ANKRD12: variants seen among roughly 807,000 people sequenced by gnomAD.
The protein encoded by ANKRD12 is ankyrin repeat domain-containing protein 12.
In ANKRD12, 85 loss-of-function variants were observed where a neutral mutation model predicts 183.4. That is an observed-to-expected ratio of 0.46 (90% CI 0.39 to 0.56). ANKRD12 has a LOEUF of 0.56. Ranked by LOEUF, ANKRD12 falls within the 20% of genes least tolerant of loss-of-function variation. The pLI, the probability that ANKRD12 is intolerant of heterozygous loss-of-function variation, is 0.00. For synonymous variants in ANKRD12, 914 were observed against 800.2 expected (o/e 1.14, Z -2.40); for missense variants, 2,405 against 2,357.1 (o/e 1.02, Z -0.42).
chr18:9,236,426 G>T (rs1051474608), intron 8 of ANKRD12, among the ~76,000 whole-genome samples: 2 of 151,946 alleles, frequency 1.3e-5, no homozygotes, highest in Admixed American at 1.3e-4. Flanking sequence ...CAAAAAATGG[G>T]CACTTAAGAA....
rs944029706 is a variant in ANKRD12 at position 9,282,692 on chromosome 18, A to T, written c.*1566A>T. On this transcript the variant is annotated 3_prime_UTR_variant, in exon 13 of 13. Transcript: ENST00000262126. ...TGTTCCGATAGAGAAAAGTGAAGCA[A>T]ATATGTGAGGAATGAAGTGATCTAG... 6.6e-6 allele frequency: 1 copy of T among 152,600 alleles called. No individual in the cohort carries two copies. The highest frequency in any genetic ancestry group is 1.5e-5 in the Non-Finnish European group (1 of 68,000). The allele number at this position is 152,600 out of a possible 1,614,324, so 9.5% of individuals were successfully genotyped here. A position where few individuals can be genotyped will look rare whatever the true frequency, so the allele number is the denominator to read the frequency against.
intron 2 of ANKRD12, among the ~76,000 whole-genome samples, chr18:9,182,801 C>G (rs772095154): frequency 6.6e-6 from 1 of 152,020 alleles, no homozygotes; most frequent in Admixed American, 6.6e-5. Flanking sequence ...TGTCAATGAC[C>G]TGTAATTCTG....
intron 8 of ANKRD12, among the ~76,000 whole-genome samples, chr18:9,246,184 G>A (rs118172988): frequency 1.4e-3 from 214 of 152,144 alleles, no homozygotes; most frequent in Non-Finnish European, 2.3e-3. Context: ...TTATATACTG[G>A]CATCAAATTG....
chr18:9,224,085 C>T (rs943161514), intron 8 of ANKRD12, among the ~76,000 whole-genome samples: 4 of 152,110 alleles, frequency 2.6e-5, no homozygotes, highest in Admixed American at 1.3e-4. Context: ...CCAGGAGTTG[C>T]TTTTCTGACA....
chr18:9,233,166 A>G (rs73394153), intron 8 of ANKRD12, among the ~76,000 whole-genome samples: 2,096 of 151,826 alleles, frequency 0.014, 56 homozygotes, highest in African/African-American at 0.048. Flanking sequence ...CCGATTTTCA[A>G]GTTCTGAGAT....
At chr18:9,149,994 AC>A (rs1169990214) in intron 1 of ANKRD12, among the ~76,000 whole-genome samples, 2 of 151,776 alleles carry the variant, frequency 1.3e-5, no homozygotes, top group Non-Finnish European at 2.9e-5. Context: ...ACGGGGTTTC[AC>A]CATGTTGGCC....
intron 8 of ANKRD12, among the ~76,000 whole-genome samples, chr18:9,240,444 A>G (rs1475285273): frequency 6.6e-6 from 1 of 152,186 alleles, no homozygotes; most frequent in Non-Finnish European, 1.5e-5. Context: ...AGAAAACCAG[A>G]TCTTGCTCAT....
At chr18:9,261,621 A>G (rs972907801) in intron 9 of ANKRD12, among the ~76,000 whole-genome samples, 26 of 152,344 alleles carry the variant, frequency 1.7e-4, no homozygotes, top group Admixed American at 3.3e-4. Flanking sequence ...CAAATTTGAC[A>G]AAATGGTGTG....
intron 10 of ANKRD12, among the ~76,000 whole-genome samples, chr18:9,269,273 A>C (rs982592312): frequency 1.2e-4 from 18 of 152,230 alleles, no homozygotes; most frequent in African/African-American, 3.9e-4. Flanking sequence ...AAACTACTTT[A>C]AAGTTCATAT....
At chr18:9,222,166 G>T (rs926379487) in intron 8 of ANKRD12, among the ~76,000 whole-genome samples, 167 bp downstream of exon 8, 5 of 152,100 alleles carry the variant, frequency 3.3e-5, no homozygotes, top group South Asian at 4.1e-4. Context: ...AGTAACCTAG[G>T]TGTTTGCTAC....
At chr18:9,143,125 A>G (rs1021312288) in intron 1 of ANKRD12, among the ~76,000 whole-genome samples, 1 of 152,190 alleles carries the variant, frequency 6.6e-6, no homozygotes, top group East Asian at 1.9e-4. Flanking sequence ...AAGAACTTCT[A>G]TTGAGCTTCT....
chr18:9,211,857 C>A, intron 6 of ANKRD12, 73 bp downstream of exon 6: 1 of 1,270,102 alleles, frequency 7.9e-7, no homozygotes, highest in Non-Finnish European at 1.1e-6. Flanking sequence ...ATTTAATCTA[C>A]ATTCTTTTAT....
rs530374967 is a variant in ANKRD12 at position 9,275,795 on chromosome 18, T to G, written c.5907+128T>G. On this transcript the variant is annotated intron_variant, in intron 11 of 12. Coordinates refer to ENST00000262126, the MANE Select transcript of ANKRD12 (RefSeq NM_015208.5). ...TTAAAGGTCAAAGAAGAAAAAAAAC[T>G]CTTTCAAGCCAGAGTACTTCCAGAT... 7 of 908,146 alleles carry G rather than the reference T, an allele frequency of 7.7e-6. No homozygotes were observed. The South Asian group carries it at 1.5e-4, about 20-fold the overall frequency. The allele number at this position is 908,146 out of a possible 1,614,324, so 56.3% of individuals were successfully genotyped here. A position where few individuals can be genotyped will look rare whatever the true frequency, so the allele number is the denominator to read the frequency against.
At chr18:9,165,529 C>T (rs755379296) in intron 1 of ANKRD12, among the ~76,000 whole-genome samples, 3 of 152,098 alleles carry the variant, frequency 2.0e-5, no homozygotes, top group Non-Finnish European at 2.9e-5. Context: ...TCCCTGAGCC[C>T]CTGGCAACCA....
chr18:9,174,838 G>A (rs2033105481), intron 1 of ANKRD12, among the ~76,000 whole-genome samples: 1 of 107,786 alleles, frequency 9.3e-6, no homozygotes, highest in Non-Finnish European at 2.2e-5. Flanking sequence ...TGGAAACTGA[G>A]GAATAATCCC....
chr18:9,224,285 C>A (rs572406528), intron 8 of ANKRD12, among the ~76,000 whole-genome samples: 10 of 152,062 alleles, frequency 6.6e-5, no homozygotes, highest in African/African-American at 2.4e-4. Flanking sequence ...GACAGAAACA[C>A]AGACTGAAAG....
chr18:9,207,572 C>G (rs1000227548), intron 4 of ANKRD12, among the ~76,000 whole-genome samples: 2 of 151,926 alleles, frequency 1.3e-5, no homozygotes, highest in African/African-American at 4.8e-5. Flanking sequence ...TCTAAACTTG[C>G]TAGATTAAAA....
At chr18:9,219,081 A>G (rs1167410595) in intron 7 of ANKRD12, among the ~76,000 whole-genome samples, 2 of 152,224 alleles carry the variant, frequency 1.3e-5, no homozygotes, top group Non-Finnish European at 2.9e-5. Flanking sequence ...AGCAACTTTA[A>G]GAACAATTAT....
intron 9 of ANKRD12, among the ~76,000 whole-genome samples, chr18:9,262,595 G>A (rs1328142713): frequency 6.6e-6 from 1 of 151,730 alleles, no homozygotes; most frequent in South Asian, 2.1e-4. Context: ...GAGTTGCTGA[G>A]GCTACAGGCA....
Sources: gnomAD v4.1 joint callset for allele counts (sites outside exome capture counted in the v4.1 genomes callset) on GRCh38, gnomAD v4.1.1 for gene constraint, MANE v1.5 for transcripts, NCBI Gene and HGNC (gene_info 2026-07-23, HGNC 2026-07-21) for gene names.